PRKCE: variants seen among roughly 807,000 people sequenced by gnomAD.
PRKCE encodes protein kinase C epsilon type.
A neutral mutation model predicts 85.4 loss-of-function variants in PRKCE; 16 were observed. That is an observed-to-expected ratio of 0.19 (90% CI 0.13 to 0.28). The LOEUF (loss-of-function observed/expected upper bound fraction) is 0.28. Among genes scored for constraint, PRKCE ranks in the 10% least tolerant of loss-of-function variants. The pLI, the probability that PRKCE is intolerant of heterozygous loss-of-function variation, is 1.00. For synonymous variants in PRKCE, 388 were observed against 371.5 expected (o/e 1.04, Z -0.51); for missense variants, 573 against 975.2 (o/e 0.59, Z 5.49).
At chr2:45,898,158 C>T (rs1459066404) in intron 2 of PRKCE, among the ~76,000 whole-genome samples, 1 of 152,168 alleles carries the variant, frequency 6.6e-6, no homozygotes, top group Non-Finnish European at 1.5e-5. Context: ...GCTTTTATGA[C>T]CTAGTCTCTA....
intron 2 of PRKCE, among the ~76,000 whole-genome samples, chr2:45,918,541 T>C (rs1481890247): frequency 2.6e-5 from 4 of 152,136 alleles, no homozygotes; most frequent in Non-Finnish European, 5.9e-5. Context: ...ATAAATGCAA[T>C]TGGAGGAGGA....
chr2:46,005,871 A>G (rs547240232), intron 8 of PRKCE, among the ~76,000 whole-genome samples: 10 of 152,246 alleles, frequency 6.6e-5, no homozygotes, highest in Non-Finnish European at 1.2e-4. Context: ...ACTTGTAGCT[A>G]TTTTCCCAGA....
chr2:46,122,042 T>C (rs1673361573), intron 11 of PRKCE, among the ~76,000 whole-genome samples: 1 of 152,106 alleles, frequency 6.6e-6, no homozygotes, highest in African/African-American at 2.4e-5. Context: ...TAGATATTAA[T>C]GAATTTTTAC....
intron 1 of PRKCE, among the ~76,000 whole-genome samples, chr2:45,805,838 A>T (rs1396451584): frequency 6.6e-6 from 1 of 152,082 alleles, no homozygotes; most frequent in Non-Finnish European, 1.5e-5. Flanking sequence ...GCCTCAAGTG[A>T]TCCTCCCTCC....
At position 46,053,838 on chromosome 2, in the gene PRKCE, A is replaced by T. The variant is rs147502871; in HGVS notation, c.1438-32370A>T. ...CTGCTGTGAACATGGGCTTACAAAT[A>T]TCTCTTCAAGACCCTGTTTTCAATT... On this transcript the variant is annotated intron_variant, in intron 10 of 14. Coordinates refer to ENST00000306156, the MANE Select transcript of PRKCE (RefSeq NM_005400.3). Among the ~76,000 whole-genome samples the T allele has an allele frequency of 3.5e-3, 535 of 152,334 alleles. 3 individuals are homozygous for T. Among genetic ancestry groups the T allele is most frequent in the African/African-American group, 0.012 (515 of 41,570 alleles).
At position 46,139,800 on chromosome 2, in the gene PRKCE, A is replaced by G. The variant is rs1298957618; in HGVS notation, c.1593-5293A>G. Among the ~76,000 whole-genome samples, 1 of 152,100 alleles carries G rather than the reference A, an allele frequency of 6.6e-6. No homozygotes were observed. The highest frequency in any genetic ancestry group is 2.4e-5 in the African/African-American group (1 of 41,422). ...AAGAAGAGTAAGGCTCTTCCTTTTA[A>G]GGAGACTTCCACATATCTGATTGCC... On this transcript the variant is annotated intron_variant, in intron 11 of 14. Coordinates refer to ENST00000306156, the MANE Select transcript of PRKCE (RefSeq NM_005400.3). This position sits in a 1 kb window ranked among gnomAD's most constrained non-coding sequence, Gnocchi z 5.2.
chr2:46,134,663 A>G (rs1237106652), intron 11 of PRKCE, among the ~76,000 whole-genome samples: 1 of 152,196 alleles, frequency 6.6e-6, no homozygotes, highest in Non-Finnish European at 1.5e-5. Flanking sequence ...GCCCTTGGGG[A>G]TTAACTCATC....
intron 2 of PRKCE, among the ~76,000 whole-genome samples, chr2:45,954,511 TAATTA>T (rs1240054931): frequency 6.6e-6 from 1 of 152,214 alleles, no homozygotes; most frequent in Non-Finnish European, 1.5e-5. Flanking sequence ...ATTAAAAGAC[TAATTA>T]AATTGGCCTA....
chr2:45,732,144 A>G (rs1415437980), intron 1 of PRKCE, among the ~76,000 whole-genome samples: 2 of 151,924 alleles, frequency 1.3e-5, no homozygotes, highest in African/African-American at 2.4e-5. Flanking sequence ...AATTTATGAG[A>G]GCTTTTTTTT....
chr2:46,081,319 CT>C (rs1669054937), intron 10 of PRKCE, among the ~76,000 whole-genome samples: 1 of 152,176 alleles, frequency 6.6e-6, no homozygotes, highest in Non-Finnish European at 1.5e-5. Flanking sequence ...TTATAGCCCC[CT>C]AACCTTTTTT....
At chr2:45,964,542 T>C (rs1248866414) in intron 2 of PRKCE, among the ~76,000 whole-genome samples, 1 of 152,190 alleles carries the variant, frequency 6.6e-6, no homozygotes, top group Non-Finnish European at 1.5e-5. Flanking sequence ...AGTAGTAATT[T>C]TTACTGGGTA....
At chr2:45,692,730 C>A (rs544488596) in intron 1 of PRKCE, among the ~76,000 whole-genome samples, 28 of 150,860 alleles carry the variant, frequency 1.9e-4, no homozygotes, top group African/African-American at 6.6e-4. Flanking sequence ...CACACACACA[C>A]CCATGCACAC....
At chr2:45,959,121 T>G (rs1015333684) in intron 2 of PRKCE, among the ~76,000 whole-genome samples, 1 of 151,834 alleles carries the variant, frequency 6.6e-6, no homozygotes, top group African/African-American at 2.4e-5. Context: ...GAATAATATC[T>G]TTTTAGCTTT....
chr2:46,186,155 CTGTAGATA>C lies in PRKCE; in HGVS notation c.*1277_*1284del, dbSNP rs910729346. The C allele has an allele frequency of 3.3e-5, 5 of 152,624 alleles. No individual in the cohort carries two copies. Among genetic ancestry groups the C allele is most frequent in the South Asian group, 4.2e-4 (2 of 4,814 alleles). 9.5% of individuals were successfully genotyped at this position (152,624 alleles called of 1,614,324 possible). A position where few individuals can be genotyped will look rare whatever the true frequency, so the allele number is the denominator to read the frequency against. On this transcript the variant is annotated 3_prime_UTR_variant, in exon 15 of 15. Coordinates refer to ENST00000306156, the MANE Select transcript of PRKCE (RefSeq NM_005400.3). The stretch of plus-strand genomic sequence containing the variant: ...TATTGAAGGGATGTGACATTACCTC[CTGTAGATA>C]TGCTAACAGTGTTATTCTTTCATTT...
At chr2:45,790,675 C>A (rs962000117) in intron 1 of PRKCE, among the ~76,000 whole-genome samples, 5 of 152,170 alleles carry the variant, frequency 3.3e-5, no homozygotes, top group African/African-American at 9.7e-5. Context: ...CTTGGGTAAC[C>A]CTTCACGTTT....
rs1675151369 is a variant in PRKCE, at chr2:45,652,065, A to G, written c.-36A>G. ...TTCTTCATTCCTGCCCTCGGGGCAG[A>G]CGGAGTGACCCCGGCCCCCACTCCC... On this transcript the variant is annotated 5_prime_UTR_variant, in exon 1 of 15. Transcript: ENST00000306156. The surrounding 1 kb of genome is among the most constrained non-coding windows in gnomAD (Gnocchi z 7.7). The G allele has an allele frequency of 6.8e-7, 1 of 1,471,416 alleles. No individual in the cohort carries two copies. The highest frequency in any genetic ancestry group is 1.3e-5 in the South Asian group (1 of 75,408). The allele number at this position is 1,471,416 out of a possible 1,614,324, so 91.1% of individuals were successfully genotyped here. A position where few individuals can be genotyped will look rare whatever the true frequency, so the allele number is the denominator to read the frequency against.
intron 2 of PRKCE, among the ~76,000 whole-genome samples, chr2:45,970,310 G>A (rs1405075629): frequency 6.6e-6 from 1 of 152,068 alleles, no homozygotes; most frequent in Admixed American, 6.5e-5. Flanking sequence ...CAAAATTCCT[G>A]ATTATAGTCA....
chr2:46,151,858 C>T lies in PRKCE; in HGVS notation c.1920+629C>T, dbSNP rs1044221373. ...TGCTTTCTCAGCACAGCCATCTCTACGATGTAACAATGCTTGTACTGTGTC... is the reference window on the plus strand; with the variant it reads ...TGCTTTCTCAGCACAGCCATCTCTATGATGTAACAATGCTTGTACTGTGTC... On this transcript the variant is annotated intron_variant, in intron 13 of 14. Coordinates refer to ENST00000306156, the MANE Select transcript of PRKCE (RefSeq NM_005400.3). Among the ~76,000 whole-genome samples, 7 of 152,242 alleles carry T rather than the reference C, an allele frequency of 4.6e-5. 1 individual carries two copies. The highest frequency in any genetic ancestry group is 2.6e-4 in the Admixed American group (4 of 15,286).
intron 11 of PRKCE, among the ~76,000 whole-genome samples, chr2:46,129,186 C>T (rs182957323): frequency 3.7e-4 from 56 of 152,254 alleles, no homozygotes; most frequent in East Asian, 1.5e-3. Context: ...CCACATGAGG[C>T]GCACTAGTAA....
Sources: allele counts gnomAD v4.1 joint callset (sites outside exome capture counted in the v4.1 genomes callset), GRCh38; gene constraint gnomAD v4.1.1; non-coding constraint Gnocchi (gnomAD v3.1); transcripts MANE v1.5; gene names NCBI Gene and HGNC (gene_info 2026-07-23, HGNC 2026-07-21).